Variants in MLLT3 observed in about 807,000 individuals in gnomAD.
MLLT3 encodes MLLT3 super elongation complex subunit.
MLLT3 carries 4 observed loss-of-function variants against 53.2 expected under a neutral mutation model. The observed-to-expected ratio is 0.08, with a 90% confidence interval of 0.04 to 0.17. The LOEUF (loss-of-function observed/expected upper bound fraction) is 0.17. MLLT3 is among the 10% of genes least tolerant of loss of function. MLLT3 has a pLI of 1.00. For synonymous variants in MLLT3, 283 were observed against 230.6 expected (o/e 1.23, Z -2.06); for missense variants, 569 against 684.0 (o/e 0.83, Z 1.87).
chr9:20,467,664 T>A (rs888341069), intron 2 of MLLT3, among the ~76,000 whole-genome samples: 2 of 152,312 alleles, frequency 1.3e-5, no homozygotes, highest in South Asian at 2.1e-4. Flanking sequence ...ATTTTGAGAA[T>A]AGAAGCAAAG....
chr9:20,492,571 T>C (rs1490574335), intron 2 of MLLT3, among the ~76,000 whole-genome samples: 1 of 151,936 alleles, frequency 6.6e-6, no homozygotes, highest in Non-Finnish European at 1.5e-5. Flanking sequence ...CACACATTAA[T>C]TCTACCTAAT....
intron 2 of MLLT3, among the ~76,000 whole-genome samples, chr9:20,554,892 T>C (rs1157578190): frequency 2.6e-5 from 4 of 152,244 alleles, no homozygotes; most frequent in Non-Finnish European, 5.9e-5. Context: ...CTAAATTAAC[T>C]ACTTTGCAGA....
chr9:20,403,144 A>G (rs925428047), intron 5 of MLLT3, among the ~76,000 whole-genome samples: 1 of 151,876 alleles, frequency 6.6e-6, no homozygotes, highest in Non-Finnish European at 1.5e-5. Flanking sequence ...TGAGACCCCT[A>G]GGATCTTGGG....
rs74996929 is a variant in MLLT3, at chr9:20,503,822, C to A, written c.194-47036G>T. On this transcript the variant is annotated intron_variant, in intron 2 of 10. Transcript: ENST00000380338. ...ATGCATCTGATAAAAGACTAATATC[C>A]AAAATATATGAGGAACTCAAACAAC... Among the ~76,000 whole-genome samples, 281 of 151,996 alleles carry A rather than the reference C, an allele frequency of 1.8e-3. 7 individuals are homozygous for A. The East Asian group carries it at 0.048, about 26-fold the overall frequency.
At chr9:20,490,159 T>A (rs1017505560) in intron 2 of MLLT3, among the ~76,000 whole-genome samples, 4 of 152,206 alleles carry the variant, frequency 2.6e-5, no homozygotes, top group Non-Finnish European at 5.9e-5. Context: ...ATTCTAAAGC[T>A]GCCCCCCAAA....
chr9:20,347,609 C>T (rs1326560875), intron 10 of MLLT3, among the ~76,000 whole-genome samples: 5 of 152,106 alleles, frequency 3.3e-5, no homozygotes, highest in Non-Finnish European at 5.9e-5. Context: ...CATTCCTATT[C>T]TACTAATAAT....
intron 2 of MLLT3, among the ~76,000 whole-genome samples, chr9:20,617,794 C>A (rs1820873557): frequency 6.6e-6 from 1 of 152,124 alleles, no homozygotes; most frequent in Non-Finnish European, 1.5e-5. Context: ...AATTGAAGGT[C>A]TCCCACCCAT....
intron 5 of MLLT3, among the ~76,000 whole-genome samples, chr9:20,378,876 A>T (rs184628773): frequency 6.6e-6 from 1 of 152,036 alleles, no homozygotes; most frequent in African/African-American, 2.4e-5. Flanking sequence ...TGTGTTCTCA[A>T]TGTAGCCCCT....
At chr9:20,439,719 T>C (rs575736029) in intron 4 of MLLT3, among the ~76,000 whole-genome samples, 1 of 152,296 alleles carries the variant, frequency 6.6e-6, no homozygotes, top group East Asian at 1.9e-4. Context: ...ATGTTTAAAA[T>C]CTATGCGTTA....
chr9:20,417,389 A>C (rs555444728), intron 4 of MLLT3, among the ~76,000 whole-genome samples: 2 of 148,014 alleles, frequency 1.4e-5, no homozygotes, highest in Non-Finnish European at 3.0e-5. Flanking sequence ...ATAAATATGT[A>C]TATCTGATAT....
chr9:20,343,645 T>A lies in MLLT3; in HGVS notation c.*2798A>T, dbSNP rs1035937544. 3 of 227,318 alleles carry A rather than the reference T, an allele frequency of 1.3e-5. No homozygotes were observed. Among genetic ancestry groups the A allele is most frequent in the Non-Finnish European group, 2.6e-5 (3 of 114,382 alleles). 14.1% of individuals were successfully genotyped at this position (227,318 alleles called of 1,614,324 possible). Reference sequence around the variant, plus strand: ...CCCCTGGCTGATCACTGAGGAAAAATTTTTTAAAAGTTTATCATACTCTGG... The same window carrying A: ...CCCCTGGCTGATCACTGAGGAAAAAATTTTTAAAAGTTTATCATACTCTGG... On this transcript the variant is annotated 3_prime_UTR_variant, in exon 11 of 11. Transcript: ENST00000380338.
chr9:20,470,857 T>G (rs1028537511), intron 2 of MLLT3, among the ~76,000 whole-genome samples: 2 of 152,048 alleles, frequency 1.3e-5, no homozygotes, highest in Non-Finnish European at 2.9e-5. Flanking sequence ...TACCCCCTTC[T>G]AAATAAACAC....
chr9:20,619,253 A>G lies in MLLT3; in HGVS notation c.193+1401T>C, dbSNP rs116463990. On this transcript the variant is annotated intron_variant, in intron 2 of 10. Coordinates refer to ENST00000380338, the MANE Select transcript of MLLT3 (RefSeq NM_004529.4). ...AGGCCATGCATATTTCTAGCCCTCT[A>G]TAAGAAACTGGATTTATTTATTAAC... Among the ~76,000 whole-genome samples the G allele has an allele frequency of 6.4e-3, 969 of 152,354 alleles. 16 individuals are homozygous for G. Among genetic ancestry groups the G allele is most frequent in the African/African-American group, 0.022 (933 of 41,576 alleles).
At position 20,341,699 on chromosome 9, in the gene MLLT3, CTT is replaced by C. The variant is rs1385236026; in HGVS notation, c.*4742_*4743del. On this transcript the variant is annotated 3_prime_UTR_variant, in exon 11 of 11. Transcript: ENST00000380338. The stretch of plus-strand genomic sequence containing the variant: ...TACCAAACTGAATGTATTTTATTCT[CTT>C]TGTTGTAGTAGTTGTTCTCCTTCCT... 4 of 182,730 alleles carry C rather than the reference CTT, an allele frequency of 2.2e-5. No individual in the cohort carries two copies. Among genetic ancestry groups the C allele is most frequent in the Non-Finnish European group, 4.7e-5 (4 of 85,938 alleles). The allele number at this position is 182,730 out of a possible 1,614,324, so 11.3% of individuals were successfully genotyped here.
chr9:20,402,176 A>G (rs1822471879), intron 5 of MLLT3, among the ~76,000 whole-genome samples: 1 of 152,230 alleles, frequency 6.6e-6, no homozygotes. Context: ...AAGTGCCAGT[A>G]AAGTCAAAGT....
intron 2 of MLLT3, among the ~76,000 whole-genome samples, chr9:20,557,816 C>G (rs1448440105): frequency 2.0e-5 from 3 of 152,052 alleles, no homozygotes; most frequent in African/African-American, 7.2e-5. Context: ...GCAAAAAGTA[C>G]CGGGAGAGGG....
At chr9:20,506,034 G>A (rs970251666) in intron 2 of MLLT3, among the ~76,000 whole-genome samples, 1 of 151,768 alleles carries the variant, frequency 6.6e-6, no homozygotes, top group Non-Finnish European at 1.5e-5. Context: ...ACTGACAGTA[G>A]TCACTGTTTA....
At chr9:20,614,336 G>A (rs186666002) in intron 2 of MLLT3, among the ~76,000 whole-genome samples, 5 of 150,802 alleles carry the variant, frequency 3.3e-5, no homozygotes, top group African/African-American at 1.2e-4. Flanking sequence ...AGAAGTTGCA[G>A]TGAGCCAAGA....
chr9:20,462,154 T>G (rs1005541708), intron 2 of MLLT3, among the ~76,000 whole-genome samples: 2 of 152,172 alleles, frequency 1.3e-5, no homozygotes, highest in African/African-American at 4.8e-5. Context: ...GGCTTTACAG[T>G]CAAGACATTT....
Sources: gnomAD v4.1 joint callset for allele counts (sites outside exome capture counted in the v4.1 genomes callset) on GRCh38, gnomAD v4.1.1 for gene constraint, MANE v1.5 for transcripts, NCBI Gene and HGNC (gene_info 2026-07-23, HGNC 2026-07-21) for gene names.